Variants in SMYD3 observed in about 807,000 individuals in gnomAD.
SMYD3 encodes the protein histone-lysine N-methyltransferase SMYD3.
In SMYD3, 36 loss-of-function variants were observed where a neutral mutation model predicts 57.7. The ratio of observed to expected loss-of-function variants is 0.62; its 90% CI spans 0.48 to 0.82. SMYD3 has a LOEUF of 0.82. Among genes scored for constraint, SMYD3 ranks in the 40% least tolerant of loss-of-function variants. The pLI, the probability that SMYD3 is intolerant of heterozygous loss-of-function variation, is 0.00. For missense variants in SMYD3, 515 were observed against 538.8 expected (o/e 0.96, Z 0.44); for synonymous variants, 211 against 195.0 (o/e 1.08, Z -0.68).
At chr1:245,758,883 T>C (rs921171737) in intron 11 of SMYD3, among the ~76,000 whole-genome samples, 1 of 152,210 alleles carries the variant, frequency 6.6e-6, no homozygotes, top group Non-Finnish European at 1.5e-5. Flanking sequence ...GATTTTTAAC[T>C]GAAGCACAAA....
intron 2 of SMYD3, among the ~76,000 whole-genome samples, chr1:246,354,038 G>C (rs1007393625): frequency 6.6e-6 from 1 of 152,124 alleles, no homozygotes; most frequent in African/African-American, 2.4e-5. Context: ...TGAGAGAGAA[G>C]AAAACCCCTG....
chr1:245,827,880 T>C (rs2049595982), intron 10 of SMYD3, among the ~76,000 whole-genome samples: 1 of 152,218 alleles, frequency 6.6e-6, no homozygotes, highest in Non-Finnish European at 1.5e-5. Flanking sequence ...GTCTTCTGTC[T>C]TCTAATCTGT....
intron 5 of SMYD3, among the ~76,000 whole-genome samples, chr1:246,016,348 C>T (rs1273101614): frequency 5.3e-5 from 8 of 151,796 alleles, no homozygotes; most frequent in East Asian, 3.9e-4. Flanking sequence ...TTTGGGAGGC[C>T]GAGGCAGGTG....
chr1:245,766,973 C>A (rs114243966), intron 10 of SMYD3, among the ~76,000 whole-genome samples: 3 of 152,124 alleles, frequency 2.0e-5, no homozygotes, highest in African/African-American at 7.2e-5. Flanking sequence ...CTGCTGATTG[C>A]GGGCCTGGTT....
chr1:246,002,426 C>T (rs555386099), intron 5 of SMYD3, among the ~76,000 whole-genome samples: 1,803 of 48,588 alleles, frequency 0.037, 573 homozygotes, highest in Middle Eastern at 0.083. Context: ...CCTCGTGATC[C>T]ACCCGCCTCG....
chr1:245,828,284 C>T (rs922123979), intron 10 of SMYD3, among the ~76,000 whole-genome samples: 1 of 152,088 alleles, frequency 6.6e-6, no homozygotes, highest in Non-Finnish European at 1.5e-5. Context: ...CAAAATTCTT[C>T]AATAAATTAA....
intron 5 of SMYD3, among the ~76,000 whole-genome samples, chr1:246,012,055 G>T (rs2059291718): frequency 6.6e-6 from 1 of 152,000 alleles, no homozygotes; most frequent in Non-Finnish European, 1.5e-5. Flanking sequence ...CACTGATACT[G>T]GCTACCAACT....
At chr1:246,413,612 A>C (rs1431426034) in intron 1 of SMYD3, among the ~76,000 whole-genome samples, 2 of 152,104 alleles carry the variant, frequency 1.3e-5, no homozygotes, top group Non-Finnish European at 2.9e-5. Context: ...TGCTGTGCTC[A>C]TGATAAGATA....
chr1:246,432,538 T>C (rs565096451), intron 1 of SMYD3, among the ~76,000 whole-genome samples: 1 of 152,220 alleles, frequency 6.6e-6, no homozygotes. Flanking sequence ...CAGGAGATTC[T>C]CTTTAATGAG....
chr1:246,481,782 T>TAG (rs1428580014), intron 1 of SMYD3, among the ~76,000 whole-genome samples: 6,234 of 142,580 alleles, frequency 0.044, 465 homozygotes, highest in African/African-American at 0.16. Context: ...GATATATATA[T>TAG]ATAGAGAGAG....
chr1:246,020,888 C>T (rs2059459338), intron 5 of SMYD3, among the ~76,000 whole-genome samples: 1 of 152,136 alleles, frequency 6.6e-6, no homozygotes, highest in South Asian at 2.1e-4. Flanking sequence ...ATCTGAAACT[C>T]ATCATTCATT....
chr1:246,445,977 C>T (rs2067546501), intron 1 of SMYD3, among the ~76,000 whole-genome samples: 1 of 152,080 alleles, frequency 6.6e-6, no homozygotes, highest in African/African-American at 2.4e-5. Context: ...TAATGAATTT[C>T]CCACACACCA....
chr1:245,762,481 C>T (rs1161520651), intron 11 of SMYD3, among the ~76,000 whole-genome samples: 1 of 152,140 alleles, frequency 6.6e-6, no homozygotes, highest in African/African-American at 2.4e-5. Flanking sequence ...ATTTGCTGTA[C>T]CTTGCTGATT....
intron 10 of SMYD3, among the ~76,000 whole-genome samples, chr1:245,807,351 G>GA (rs111653396): frequency 3.2e-4 from 46 of 145,940 alleles, no homozygotes; most frequent in Admixed American, 9.6e-4. Context: ...TACCAACAAA[G>GA]AAAAAAAAAA....
At chr1:246,191,052 C>G (rs1289324781) in intron 5 of SMYD3, among the ~76,000 whole-genome samples, 1 of 152,204 alleles carries the variant, frequency 6.6e-6, no homozygotes, top group African/African-American at 2.4e-5. Flanking sequence ...TAAGGTAGTT[C>G]AGAGAGAAAC....
At position 245,795,581 on chromosome 1, in the gene SMYD3, T is replaced by C. The variant is rs137985852; in HGVS notation, c.1077-31432A>G. Among the ~76,000 whole-genome samples, 8 of 152,298 alleles carry C rather than the reference T, an allele frequency of 5.3e-5. No individual in the cohort carries two copies. In the East Asian group the frequency reaches 1.5e-3, roughly 29 times the overall value. On this transcript the variant is annotated intron_variant, in intron 10 of 11. Coordinates refer to ENST00000490107, the MANE Select transcript of SMYD3 (RefSeq NM_001167740.2). ...CTAGCTATATCTTTTTAATTTCCCA[T>C]TGTTATATTTTGTCTCTTGTGGCCT...
intron 5 of SMYD3, among the ~76,000 whole-genome samples, chr1:246,063,085 A>G (rs1478646327): frequency 6.6e-6 from 1 of 152,156 alleles, no homozygotes; most frequent in South Asian, 2.1e-4. Context: ...TCTACTAGGC[A>G]GACTCTCAGG....
At chr1:246,209,335 A>T (rs2063051526) in intron 5 of SMYD3, among the ~76,000 whole-genome samples, 1 of 152,192 alleles carries the variant, frequency 6.6e-6, no homozygotes, top group Non-Finnish European at 1.5e-5. Flanking sequence ...AATTATACAA[A>T]CTAATAAAAA....
chr1:246,217,126 GC>G (rs75985639), intron 5 of SMYD3, among the ~76,000 whole-genome samples: 4,578 of 152,126 alleles, frequency 0.03, 309 homozygotes, highest in East Asian at 0.24. Flanking sequence ...CAAGCTTGTA[GC>G]CTAAATTTAT....
Sources: allele counts gnomAD v4.1 joint callset (sites outside exome capture counted in the v4.1 genomes callset), GRCh38; gene constraint gnomAD v4.1.1; transcripts MANE v1.5; gene names NCBI Gene and HGNC (gene_info 2026-07-23, HGNC 2026-07-21).